The following PPP1R1C variants were observed in gnomAD, a reference collection of about 807,000 sequenced individuals.
The protein encoded by PPP1R1C is protein phosphatase 1 regulatory inhibitor subunit 1C, also known as protein phosphatase 1 regulatory subunit 1C.
Under a neutral mutation model 17.4 loss-of-function variants are expected in PPP1R1C, and 15 were observed. That is an observed-to-expected ratio of 0.86 (90% CI 0.58 to 1.33). The LOEUF is 1.33. PPP1R1C is among the 40% of genes most tolerant of loss of function. The pLI is 0.00. For missense variants in PPP1R1C, 143 were observed against 130.0 expected, an observed-to-expected ratio of 1.10 and a Z score of -0.48; for synonymous variants, 35 against 43.1, an observed-to-expected ratio of 0.81 and a Z score of 0.73.
chr2:181,968,280 G>A (rs956435917), intron 1 of PPP1R1C, among the ~76,000 whole-genome samples: 4 of 152,178 alleles, frequency 2.6e-5, no homozygotes, highest in African/African-American at 9.7e-5. Flanking sequence ...TCTGTCCAGT[G>A]CTACAGTGGG....
chr2:182,078,783 A>C (rs1488665399), intron 4 of PPP1R1C, among the ~76,000 whole-genome samples: 1 of 152,246 alleles, frequency 6.6e-6, no homozygotes, highest in African/African-American at 2.4e-5. Flanking sequence ...TGAGTGAAAA[A>C]TAAAGTAATA....
At chr2:181,980,687 G>A (rs1685175816) in intron 2 of PPP1R1C, among the ~76,000 whole-genome samples, 1 of 152,098 alleles carries the variant, frequency 6.6e-6, no homozygotes, top group South Asian at 2.1e-4. Flanking sequence ...TAGTGAAACT[G>A]CCTCAACAAG....
chr2:182,032,771 A>T (rs1686884796), intron 2 of PPP1R1C, among the ~76,000 whole-genome samples: 1 of 152,154 alleles, frequency 6.6e-6, no homozygotes, highest in Non-Finnish European at 1.5e-5. Flanking sequence ...ACCTATTATG[A>T]GGATTAGAAT....
chr2:182,091,051 A>G (rs946595607), intron 4 of PPP1R1C, among the ~76,000 whole-genome samples: 11 of 152,218 alleles, frequency 7.2e-5, no homozygotes. Context: ...GGACATGTTG[A>G]GTTTATAGTG....
chr2:182,121,581 G>T (rs963302564), downstream of PPP1R1C, among the ~76,000 whole-genome samples: 4 of 152,110 alleles, frequency 2.6e-5, no homozygotes, highest in East Asian at 7.7e-4. Flanking sequence ...TCCACCTCCC[G>T]GGTTCAAGCG....
intron 2 of PPP1R1C, among the ~76,000 whole-genome samples, chr2:182,009,166 T>C (rs1686015356): frequency 6.6e-6 from 1 of 152,154 alleles, no homozygotes; most frequent in South Asian, 2.1e-4. Flanking sequence ...TACTGGGTCA[T>C]ATGATAGTTC....
intron 5 of PPP1R1C, among the ~76,000 whole-genome samples, chr2:182,126,731 CACAG>C (rs1328287643): frequency 1.3e-5 from 2 of 151,940 alleles, no homozygotes; most frequent in Admixed American, 6.6e-5. Flanking sequence ...ATTTTGTGGA[CACAG>C]ACATTGTGTG....
chr2:181,978,408 G>A (rs1446839321), intron 2 of PPP1R1C, among the ~76,000 whole-genome samples: 2 of 152,164 alleles, frequency 1.3e-5, no homozygotes, highest in African/African-American at 4.8e-5. Flanking sequence ...ATGATGTCTG[G>A]GGCATCAGAT....
chr2:182,079,878 C>A (rs1224713083), intron 4 of PPP1R1C, among the ~76,000 whole-genome samples: 1 of 152,148 alleles, frequency 6.6e-6, no homozygotes, highest in Non-Finnish European at 1.5e-5. Context: ...GTGGCCTGCT[C>A]TTCTGTGTCT....
intron 1 of PPP1R1C, among the ~76,000 whole-genome samples, chr2:181,959,754 T>C (rs1438658619): frequency 6.6e-6 from 1 of 152,216 alleles, no homozygotes; most frequent in Non-Finnish European, 1.5e-5. Context: ...TGTCTGTCCA[T>C]GCATGGACTG....
intron 1 of PPP1R1C, among the ~76,000 whole-genome samples, chr2:181,966,026 T>C (rs1684898971): frequency 6.6e-6 from 1 of 152,206 alleles, no homozygotes; most frequent in African/African-American, 2.4e-5. Flanking sequence ...CTTCTTTGGT[T>C]AAGTTTATTC....
At chr2:181,991,298 C>T (rs1399186986) in intron 2 of PPP1R1C, among the ~76,000 whole-genome samples, 1 of 152,054 alleles carries the variant, frequency 6.6e-6, no homozygotes, top group Non-Finnish European at 1.5e-5. Context: ...ATGAGATAGG[C>T]ACCTGATTAG....
chr2:182,053,268 G>A (rs1479145053), intron 2 of PPP1R1C, among the ~76,000 whole-genome samples: 2 of 152,074 alleles, frequency 1.3e-5, no homozygotes, highest in Non-Finnish European at 2.9e-5. Flanking sequence ...TCAGCTAAAG[G>A]GTTTATACAA....
chr2:182,056,625 A>G (rs1389139645), intron 2 of PPP1R1C, among the ~76,000 whole-genome samples: 1 of 152,162 alleles, frequency 6.6e-6, no homozygotes, highest in Non-Finnish European at 1.5e-5. Context: ...AGTCTAAGAA[A>G]TTGAGTCTCT....
chr2:182,093,555 C>G (rs1446838071), intron 4 of PPP1R1C, among the ~76,000 whole-genome samples: 1 of 152,118 alleles, frequency 6.6e-6, no homozygotes, highest in Non-Finnish European at 1.5e-5. Flanking sequence ...GCAAATTTTC[C>G]AAACATTTAT....
At chr2:182,108,076 C>T (rs555565398) in intron 4 of PPP1R1C, among the ~76,000 whole-genome samples, 173 of 152,024 alleles carry the variant, frequency 1.1e-3, no homozygotes, top group Non-Finnish European at 1.9e-3. Context: ...CTATTGTTTC[C>T]TAGGTTAAAA....
intron 4 of PPP1R1C, among the ~76,000 whole-genome samples, chr2:182,102,353 A>C (rs1306760384): frequency 6.6e-6 from 1 of 152,210 alleles, no homozygotes; most frequent in Non-Finnish European, 1.5e-5. Flanking sequence ...ATGTTAGTAA[A>C]GTTATAGACT....
intron 4 of PPP1R1C, among the ~76,000 whole-genome samples, chr2:182,104,007 GATTA>G (rs1029264238): frequency 6.6e-6 from 1 of 152,198 alleles, no homozygotes; most frequent in Non-Finnish European, 1.5e-5. Flanking sequence ...GACCCGATGG[GATTA>G]ATTAAGTGTG....
intron 2 of PPP1R1C, among the ~76,000 whole-genome samples, chr2:182,000,683 T>G (rs1293065609): frequency 1.3e-5 from 2 of 152,178 alleles, no homozygotes; most frequent in African/African-American, 4.8e-5. Context: ...TATCTAGGTT[T>G]TAAGACCAAC....
Sources: allele counts gnomAD v4.1 joint callset (sites outside exome capture counted in the v4.1 genomes callset), GRCh38; gene constraint gnomAD v4.1.1; transcripts MANE v1.5; gene names NCBI Gene and HGNC (gene_info 2026-07-23, HGNC 2026-07-21).